The following PAX5 variants were observed in gnomAD, a reference collection of about 807,000 sequenced individuals.
The protein encoded by PAX5 is paired box 5.
PAX5 carries 9 observed loss-of-function variants against 43.7 expected under a neutral mutation model. The observed-to-expected ratio is 0.21, with a 90% CI of 0.12 to 0.36. PAX5 has a LOEUF of 0.36. PAX5 is among the 10% of genes least tolerant of loss of function. The pLI, the probability that PAX5 is intolerant of heterozygous loss-of-function variation, is 1.00. For synonymous variants in PAX5, 228 were observed against 214.3 expected (o/e 1.06, Z -0.56); for missense variants, 383 against 532.7 (o/e 0.72, Z 2.77).
At position 36,834,225 on chromosome 9, in the gene PAX5, C is replaced by G. The variant is rs906315932; in HGVS notation, c.*6335G>C. ...CAGGCAACGCCAGGCCCTCACTGCC[C>G]GCCACCCTCTGTTGTGCTGGGTGCT... On this transcript the variant is annotated 3_prime_UTR_variant, in exon 10 of 10. Coordinates refer to ENST00000358127, the MANE Select transcript of PAX5 (RefSeq NM_016734.3). 1 of 233,192 alleles carries G rather than the reference C, an allele frequency of 4.3e-6. No individual in the cohort carries two copies. Among genetic ancestry groups the G allele is most frequent in the South Asian group, 1.8e-4 (1 of 5,528 alleles). The allele number at this position is 233,192 out of a possible 1,614,324, so 14.4% of individuals were successfully genotyped here.
At chr9:36,969,450 G>C (rs1458795965) in intron 5 of PAX5, among the ~76,000 whole-genome samples, 1 of 152,242 alleles carries the variant, frequency 6.6e-6, no homozygotes, top group Admixed American at 6.5e-5. Context: ...CTGGGGGCAA[G>C]GTCACTGTCT....
chr9:36,883,548 G>A (rs1047444341), intron 7 of PAX5, among the ~76,000 whole-genome samples: 1 of 152,148 alleles, frequency 6.6e-6, no homozygotes, highest in African/African-American at 2.4e-5. Flanking sequence ...GCACATGCCT[G>A]TGATCCCAGC....
intron 5 of PAX5, among the ~76,000 whole-genome samples, chr9:36,969,999 T>G (rs889063725): frequency 2.0e-4 from 31 of 152,238 alleles, no homozygotes; most frequent in Admixed American, 2.0e-4. Flanking sequence ...CAGGTAATAT[T>G]TTTTAAGTAA....
chr9:37,024,046 C>A (rs1840083660), intron 1 of PAX5, among the ~76,000 whole-genome samples: 1 of 152,172 alleles, frequency 6.6e-6, no homozygotes, highest in Non-Finnish European at 1.5e-5. Context: ...CAGGGAGACC[C>A]AAGAACCAGC....
At chr9:36,917,542 C>T (rs111751225) in intron 7 of PAX5, among the ~76,000 whole-genome samples, 11,414 of 152,302 alleles carry the variant, frequency 0.075, 533 homozygotes, top group South Asian at 0.16. Flanking sequence ...CCCAACTAAA[C>T]ATGTCTGTGG....
At chr9:36,995,024 T>C (rs1837274269) in intron 5 of PAX5, among the ~76,000 whole-genome samples, 1 of 151,864 alleles carries the variant, frequency 6.6e-6, no homozygotes, top group Non-Finnish European at 1.5e-5. Flanking sequence ...TGAGGGGACA[T>C]GTAGACACCT....
chr9:36,930,118 A>G (rs968126084), intron 6 of PAX5, among the ~76,000 whole-genome samples: 1 of 152,108 alleles, frequency 6.6e-6, no homozygotes, highest in African/African-American at 2.4e-5. Flanking sequence ...ATGATGGAAC[A>G]GCTTGTCCTC....
intron 3 of PAX5, among the ~76,000 whole-genome samples, chr9:37,013,285 A>C (rs1190831938): frequency 4.6e-5 from 7 of 152,114 alleles, no homozygotes; most frequent in Non-Finnish European, 1.5e-5. Context: ...CTAGCTTGCC[A>C]GGGACCCAAC....
chr9:36,848,384 G>A (rs1822805856), intron 8 of PAX5, among the ~76,000 whole-genome samples: 1 of 6,048 alleles, frequency 1.7e-4, no homozygotes, highest in South Asian at 7.7e-3. Flanking sequence ...ACACACACAT[G>A]CTCGCGCTCC....
intron 5 of PAX5, among the ~76,000 whole-genome samples, chr9:36,975,575 C>T (rs1201136215): frequency 2.6e-5 from 4 of 152,032 alleles, no homozygotes; most frequent in East Asian, 1.9e-4. Context: ...TTAGTAGAGA[C>T]GGGGTTCCAC....
intron 9 of PAX5, among the ~76,000 whole-genome samples, chr9:36,843,012 CTG>C (rs1192634454): frequency 2.0e-5 from 3 of 151,738 alleles, no homozygotes; most frequent in African/African-American, 7.3e-5. Flanking sequence ...GAGCATGTGT[CTG>C]TGTGTGTATG....
At chr9:36,851,155 A>G (rs558415350) in intron 8 of PAX5, among the ~76,000 whole-genome samples, 1 of 152,384 alleles carries the variant, frequency 6.6e-6, no homozygotes, top group Non-Finnish European at 1.5e-5. Flanking sequence ...AGGATTGGCA[A>G]GAAGTAAGTG....
At chr9:36,887,139 C>T (rs1404410703) in intron 7 of PAX5, among the ~76,000 whole-genome samples, 15 of 152,168 alleles carry the variant, frequency 9.9e-5, no homozygotes, top group African/African-American at 9.7e-5. Flanking sequence ...TACTTAAATG[C>T]TATTATTGTA....
At chr9:37,001,340 A>C (rs748163152) in intron 5 of PAX5, among the ~76,000 whole-genome samples, 1 of 152,190 alleles carries the variant, frequency 6.6e-6, no homozygotes, top group Non-Finnish European at 1.5e-5. Flanking sequence ...GAACAAATAC[A>C]TCCAGGCCCC....
chr9:36,870,271 C>T lies in PAX5; in HGVS notation c.1012+11733G>A, dbSNP rs142899350. ...CTCTCCCAAGCCCCTTCTTCTAGGA[C>T]ACGGAGGCCCCTTTCCATTCTACCC... On this transcript the variant is annotated intron_variant, in intron 8 of 9. Coordinates refer to ENST00000358127, the MANE Select transcript of PAX5 (RefSeq NM_016734.3). Among the ~76,000 whole-genome samples the T allele has an allele frequency of 7.7e-3, 1,176 of 152,302 alleles. 17 individuals carry two copies. Among genetic ancestry groups the T allele is most frequent in the Middle Eastern group, 0.014 (4 of 294 alleles).
At chr9:36,992,986 G>A (rs1308973223) in intron 5 of PAX5, among the ~76,000 whole-genome samples, 1 of 152,184 alleles carries the variant, frequency 6.6e-6, no homozygotes, top group African/African-American at 2.4e-5. Flanking sequence ...TGTTACACAG[G>A]TATACATGTG....
chr9:36,929,693 C>A (rs1204320636), intron 6 of PAX5, among the ~76,000 whole-genome samples: 1 of 152,250 alleles, frequency 6.6e-6, no homozygotes, highest in Non-Finnish European at 1.5e-5. Flanking sequence ...CACTGCAATG[C>A]AACCATTGGG....
chr9:36,868,868 C>G (rs1216549452), intron 8 of PAX5, among the ~76,000 whole-genome samples: 2 of 152,096 alleles, frequency 1.3e-5, no homozygotes, highest in Non-Finnish European at 2.9e-5. Flanking sequence ...AACCTCACAA[C>G]ATGCTTTCAA....
rs573490387 is a variant in PAX5 at position 37,027,390 on chromosome 9, G to A, written c.47-6589C>T. Among the ~76,000 whole-genome samples the A allele has an allele frequency of 6.6e-5, 10 of 152,362 alleles. No homozygotes were observed. In the South Asian group the frequency reaches 2.1e-3, roughly 32 times the overall value. On this transcript the variant is annotated intron_variant, in intron 1 of 9. Coordinates refer to ENST00000358127, the MANE Select transcript of PAX5 (RefSeq NM_016734.3). Reference sequence around the variant, plus strand: ...CCAGCGACGGACTCTTCCTCGCCGGGGTGTCTACCTCGTGCCAACCAACTC... The same window carrying A: ...CCAGCGACGGACTCTTCCTCGCCGGAGTGTCTACCTCGTGCCAACCAACTC...
Sources: gnomAD v4.1 joint callset for allele counts (sites outside exome capture counted in the v4.1 genomes callset) on GRCh38, gnomAD v4.1.1 for gene constraint, MANE v1.5 for transcripts, NCBI Gene and HGNC (gene_info 2026-07-23, HGNC 2026-07-21) for gene names.